Variants in ATP6V1C1 observed in about 807,000 individuals in gnomAD.
ATP6V1C1 encodes the protein ATPase H+ transporting V1 subunit C1, also known as V-type proton ATPase subunit C 1.
Under a neutral mutation model 53.9 loss-of-function variants are expected in ATP6V1C1, and 45 were observed. That is an observed-to-expected ratio of 0.83 (90% CI 0.66 to 1.07). ATP6V1C1 has a LOEUF of 1.07. Among genes scored for constraint, ATP6V1C1 ranks in the 50% least tolerant of loss-of-function variants. ATP6V1C1 has a pLI of 0.00. For synonymous variants in ATP6V1C1, 153 were observed against 155.2 expected (o/e 0.99, Z 0.11); for missense variants, 315 against 440.3 (o/e 0.72, Z 2.55).
chr8:103,052,383 C>T (rs550335081), intron 5 of ATP6V1C1, among the ~76,000 whole-genome samples: 1 of 152,184 alleles, frequency 6.6e-6, no homozygotes, highest in South Asian at 2.1e-4. Context: ...ATTTAGTTTA[C>T]TTTGGAAAAT....
chr8:103,035,693 G>T (rs1816883188), intron 1 of ATP6V1C1, among the ~76,000 whole-genome samples: 1 of 152,090 alleles, frequency 6.6e-6, no homozygotes, highest in African/African-American at 2.4e-5. Flanking sequence ...TCCAACAGCT[G>T]GGTGAAAAGA....
At chr8:103,029,738 A>AT (rs1011441730) in intron 1 of ATP6V1C1, among the ~76,000 whole-genome samples, 45 of 143,932 alleles carry the variant, frequency 3.1e-4, no homozygotes, top group African/African-American at 6.0e-4. Flanking sequence ...TTTAAAAAAA[A>AT]TTTTTTTTTT....
intron 3 of ATP6V1C1, among the ~76,000 whole-genome samples, chr8:103,043,427 A>C (rs1381819742): frequency 6.6e-6 from 1 of 151,706 alleles, no homozygotes; most frequent in East Asian, 1.9e-4. Context: ...GGTTCAAGCA[A>C]TTCTCCTCCC....
chr8:103,050,879 T>G (rs1223385876), intron 4 of ATP6V1C1, among the ~76,000 whole-genome samples, 171 bp from the exon 5 acceptor site: 1 of 152,162 alleles, frequency 6.6e-6, no homozygotes, highest in Non-Finnish European at 1.5e-5. Context: ...AGGTAGAAAT[T>G]TTGATTAATC....
chr8:103,058,297 A>T (rs1002422947), intron 8 of ATP6V1C1, among the ~76,000 whole-genome samples: 1 of 152,230 alleles, frequency 6.6e-6, no homozygotes, highest in Non-Finnish European at 1.5e-5. Context: ...CAGTGAAAAC[A>T]TCTTTTCTAC....
At chr8:103,061,932 A>G (rs967703167) in intron 8 of ATP6V1C1, among the ~76,000 whole-genome samples, 8 of 152,144 alleles carry the variant, frequency 5.3e-5, no homozygotes, top group African/African-American at 1.7e-4. Context: ...CACAAGCGAT[A>G]CCATTCACCT....
intron 1 of ATP6V1C1, among the ~76,000 whole-genome samples, chr8:103,036,729 A>G (rs903819802): frequency 2.6e-5 from 4 of 152,106 alleles, no homozygotes; most frequent in African/African-American, 7.2e-5. Context: ...AGAAGAAAAG[A>G]TTTTCTGGAA....
intron 3 of ATP6V1C1, 90 bp downstream of exon 3, chr8:103,042,497 C>T: frequency 7.8e-7 from 1 of 1,279,440 alleles, no homozygotes; most frequent in South Asian, 1.4e-5. Flanking sequence ...CATGTATACT[C>T]TGCTTATTGG....
rs767825523 is a variant in ATP6V1C1 at position 103,062,161 on chromosome 8, GTTTTTTTTTTTTT to G, written c.642-777_642-765del. Among the ~76,000 whole-genome samples the G allele has an allele frequency of 2.0e-4, 14 of 70,786 alleles. No homozygotes were observed. The South Asian group carries it at 2.5e-3, about 13-fold the overall frequency. 46.4% of individuals were successfully genotyped at this position (70,786 alleles called of 152,430 possible). A position where few individuals can be genotyped will look rare whatever the true frequency, so the allele number is the denominator to read the frequency against. On this transcript the variant is annotated intron_variant, in intron 8 of 12. Coordinates refer to ENST00000518738, the MANE Select transcript of ATP6V1C1 (RefSeq NM_001695.5). ...TATTTAGACAGTTGTGTTCATCAGG[GTTTTTTTTTTTTT>G]TTTTTTTTTTTTTTTTGACAGGGAC...
At chr8:103,054,095 C>T (rs537041850) in intron 7 of ATP6V1C1, 113 bp downstream of exon 7, 2 of 744,774 alleles carry the variant, frequency 2.7e-6, no homozygotes, top group East Asian at 2.9e-5. Context: ...GGAATATAAC[C>T]TTGCCATTCA....
chr8:103,037,107 A>G (rs1164219119), intron 1 of ATP6V1C1, among the ~76,000 whole-genome samples: 4 of 152,212 alleles, frequency 2.6e-5, no homozygotes, highest in African/African-American at 7.2e-5. Context: ...ACTGGAAGCA[A>G]CCGGCGATAG....
intron 5 of ATP6V1C1, among the ~76,000 whole-genome samples, chr8:103,052,286 T>C (rs1261427117): frequency 2.6e-5 from 4 of 152,142 alleles, no homozygotes; most frequent in Non-Finnish European, 5.9e-5. Context: ...TTGTAACATT[T>C]ATGAATAAAT....
At position 103,042,424 on chromosome 8, in the gene ATP6V1C1, C is replaced by T. The variant is rs371738834; in HGVS notation, c.200+17C>T. ...TGTAGAAGGGTAATGTACTTATATG[C>T]ATGGAGTAGAGCAAAATGGGAGACA... is the stretch of plus-strand genomic sequence containing the variant. On this transcript the variant is annotated intron_variant, in intron 3 of 12. Transcript: ENST00000518738. 305 of 1,611,396 alleles carry T rather than the reference C, an allele frequency of 1.9e-4. No individual in the cohort carries two copies. The highest frequency in any genetic ancestry group is 2.2e-4 in the Non-Finnish European group (262 of 1,178,076).
intron 4 of ATP6V1C1, among the ~76,000 whole-genome samples, chr8:103,050,570 T>G (rs1817183057): frequency 1.3e-5 from 2 of 152,206 alleles, no homozygotes; most frequent in Non-Finnish European, 2.9e-5. Flanking sequence ...ATTCTTTCCA[T>G]TTGAAAGTGA....
intron 8 of ATP6V1C1, among the ~76,000 whole-genome samples, chr8:103,057,031 T>G (rs1226296777): frequency 1.3e-5 from 2 of 152,062 alleles, no homozygotes; most frequent in African/African-American, 4.8e-5. Flanking sequence ...CTTGGTGTTT[T>G]GAACAAAAAA....
Position 103,072,602 on chromosome 8 carries a change from G to T in ATP6V1C1, c.*3855G>T, listed in dbSNP as rs138622246. 6.6e-6 allele frequency: 1 copy of T among 152,206 alleles called. No individual in the cohort carries two copies. Among genetic ancestry groups the T allele is most frequent in the Admixed American group, 6.5e-5 (1 of 15,308 alleles). 9.4% of individuals were successfully genotyped at this position (152,206 alleles called of 1,614,324 possible). A position where few individuals can be genotyped will look rare whatever the true frequency, so the allele number is the denominator to read the frequency against. ...CATTTCAATATTGCACTTATTAATG[G>T]TCTTTATTTTTCTAGCATAGATAAC... On this transcript the variant is annotated 3_prime_UTR_variant, in exon 13 of 13. Coordinates refer to ENST00000518738, the MANE Select transcript of ATP6V1C1 (RefSeq NM_001695.5).
intron 1 of ATP6V1C1, among the ~76,000 whole-genome samples, chr8:103,037,633 T>G (rs1204344491): frequency 2.0e-5 from 3 of 152,194 alleles, no homozygotes; most frequent in Non-Finnish European, 4.4e-5. Context: ...AAAATTTTAT[T>G]TTTAATAAAT....
intron 1 of ATP6V1C1, among the ~76,000 whole-genome samples, chr8:103,037,262 C>T (rs1194799620): frequency 2.0e-5 from 3 of 152,100 alleles, no homozygotes; most frequent in African/African-American, 4.8e-5. Context: ...GTAGCCTGAA[C>T]TCCCACACTT....
intron 8 of ATP6V1C1, among the ~76,000 whole-genome samples, chr8:103,061,773 G>A (rs1170784411): frequency 6.6e-6 from 1 of 152,196 alleles, no homozygotes; most frequent in Non-Finnish European, 1.5e-5. Flanking sequence ...AAGACAGAAA[G>A]GAGAAGAGAT....
Sources: allele counts gnomAD v4.1 joint callset (sites outside exome capture counted in the v4.1 genomes callset), GRCh38; gene constraint gnomAD v4.1.1; transcripts MANE v1.5; gene names NCBI Gene and HGNC (gene_info 2026-07-23, HGNC 2026-07-21).